The following FBXW2 variants were observed in gnomAD, a reference collection of about 807,000 sequenced individuals.
FBXW2 encodes F-box/WD repeat-containing protein 2.
FBXW2 carries 12 observed loss-of-function variants against 46.0 expected under a neutral mutation model. That is an observed-to-expected ratio of 0.26 (90% CI 0.17 to 0.42). FBXW2 has a LOEUF of 0.42. Among genes scored for constraint, FBXW2 ranks in the 10% least tolerant of loss-of-function variants. The pLI, the probability that FBXW2 is intolerant of heterozygous loss-of-function variation, is 1.00. For missense variants in FBXW2, 360 were observed against 537.0 expected, an observed-to-expected ratio of 0.67 and a Z score of 3.26; for synonymous variants, 203 against 209.6, an observed-to-expected ratio of 0.97 and a Z score of 0.27.
At chr9:120,777,312 T>TATA (rs1384658409) in intron 4 of FBXW2, among the ~76,000 whole-genome samples, 1 of 152,170 alleles carries the variant, frequency 6.6e-6, no homozygotes, top group African/African-American at 2.4e-5. Context: ...AAGAAGAGTA[T>TATA]ATAGGAGGAC....
At chr9:120,775,943 T>A (rs2044484250) in intron 5 of FBXW2, 150 bp downstream of exon 5, 1 of 879,358 alleles carries the variant, frequency 1.1e-6, no homozygotes, top group African/African-American at 1.7e-5. Flanking sequence ...TACCTTCTAC[T>A]TGCTGGTCAC....
chr9:120,785,233 C>T (rs148295444), intron 3 of FBXW2, among the ~76,000 whole-genome samples: 2 of 152,100 alleles, frequency 1.3e-5, no homozygotes, highest in Non-Finnish European at 2.9e-5. Flanking sequence ...GGTCTCAAAA[C>T]TCCTGGGCTC....
At chr9:120,787,687 T>A in intron 3 of FBXW2, 82 bp downstream of exon 3, 1 of 1,438,978 alleles carries the variant, frequency 6.9e-7, no homozygotes, top group Non-Finnish European at 9.4e-7. Flanking sequence ...ACACTTGTCA[T>A]TCTCAAAGCT....
intron 2 of FBXW2, among the ~76,000 whole-genome samples, chr9:120,789,102 A>C (rs1307804775): frequency 6.6e-6 from 1 of 152,132 alleles, no homozygotes; most frequent in Non-Finnish European, 1.5e-5. Flanking sequence ...ACCAGAAAAT[A>C]GACATTATCA....
intron 2 of FBXW2, among the ~76,000 whole-genome samples, chr9:120,790,823 A>T (rs75326127): frequency 0.042 from 6,394 of 150,586 alleles, 210 homozygotes; most frequent in Non-Finnish European, 0.067. Flanking sequence ...ACTTAAATTT[A>T]AAAAAAAAAT....
chr9:120,790,638 T>C (rs953431930), intron 2 of FBXW2, among the ~76,000 whole-genome samples: 2 of 152,190 alleles, frequency 1.3e-5, no homozygotes, highest in African/African-American at 4.8e-5. Flanking sequence ...TAGAAATGCT[T>C]GTATTTAAGT....
intron 2 of FBXW2, among the ~76,000 whole-genome samples, chr9:120,790,255 C>T (rs1008226271): frequency 7.9e-5 from 12 of 152,112 alleles, no homozygotes; most frequent in Non-Finnish European, 7.4e-5. Context: ...GAGGTGGGCT[C>T]GGCCGGATCA....
At chr9:120,765,968 C>T (rs1464300924) in intron 7 of FBXW2, among the ~76,000 whole-genome samples, 5 of 152,086 alleles carry the variant, frequency 3.3e-5, no homozygotes, top group East Asian at 1.9e-4. Flanking sequence ...CTGTTGTCTG[C>T]GCCCTTAGTG....
chr9:120,757,191 A>G lies in FBXW2; in HGVS notation c.*7368T>C, dbSNP rs2044142228. 1 of 152,246 alleles carries G rather than the reference A, an allele frequency of 6.6e-6. No homozygotes were observed. The allele number at this position is 152,246 out of a possible 1,614,324, so 9.4% of individuals were successfully genotyped here. A position where few individuals can be genotyped will look rare whatever the true frequency, so the allele number is the denominator to read the frequency against. On this transcript the variant is annotated 3_prime_UTR_variant, in exon 8 of 8. Transcript: ENST00000608872. ...AAAAATGTTGTCATGTGTTAAAGAA[A>G]TGTCAGTTAAAGCAACCTTGAGATA...
In FBXW2 at chr9:120,759,334, G is replaced by A. The variant is rs1264127245; in HGVS notation, c.*5225C>T. The A allele has an allele frequency of 6.6e-6, 1 of 152,078 alleles. No homozygotes were observed. The highest frequency in any genetic ancestry group is 2.4e-5 in the African/African-American group (1 of 41,398). The allele number at this position is 152,078 out of a possible 1,614,324, so 9.4% of individuals were successfully genotyped here. ...TTTATAGTTAACACAATCACTCACG[G>A]GTAAAAAGAGTGCTTCTATGATGCA... is the stretch of plus-strand genomic sequence containing the variant. On this transcript the variant is annotated 3_prime_UTR_variant, in exon 8 of 8. Coordinates refer to ENST00000608872, the MANE Select transcript of FBXW2 (RefSeq NM_012164.4).
At chr9:120,780,254 A>G (rs2044583137) in intron 3 of FBXW2, among the ~76,000 whole-genome samples, 1 of 151,796 alleles carries the variant, frequency 6.6e-6, no homozygotes, top group Admixed American at 6.6e-5. Flanking sequence ...GCTACTCAGG[A>G]GGCTGAGGCA....
chr9:120,792,862 T>C, intron 2 of FBXW2: 1 of 1,493,476 alleles, frequency 6.7e-7, no homozygotes, highest in Non-Finnish European at 8.9e-7. Context: ...TTTGCTTTAC[T>C]TCAAGCAGCA....
Position 120,764,787 on chromosome 9 carries a change from G to A in FBXW2, c.1137C>T (p.Ala379=), listed in dbSNP as rs781653310. The change falls in exon 8 of 8, where the codon GCC becomes GCT. Residue 379 remains alanine, a synonymous_variant. Coordinates refer to ENST00000608872, the MANE Select transcript of FBXW2 (RefSeq NM_012164.4). ...LALLGFGDIF[A]LLFDNRYLYI... ...ACAGGTAGCGGTTGTCAAACAGCAG[G>A]GCAAAGATATCTCCAAAGCCAAGCA... The A allele has an allele frequency of 6.2e-7, 1 of 1,612,268 alleles. No homozygotes were observed. The highest frequency in any genetic ancestry group is 2.2e-5 in the East Asian group (1 of 44,868).
rs1052117724 is a variant in FBXW2, at chr9:120,790,402, T to G, written c.-20-2124A>C. ...GGGAGGCTGAGGCAGGAGAATGGCG[T>G]GAACCCAGGAGGCGGAGCTTGCAGT... On this transcript the variant is annotated intron_variant, in intron 2 of 7. Transcript: ENST00000608872. Among the ~76,000 whole-genome samples the G allele has an allele frequency of 7.2e-5, 11 of 151,998 alleles. No individual in the cohort carries two copies. The Middle Eastern group carries it at 0.013, about 175-fold the overall frequency.
intron 3 of FBXW2, 150 bp downstream of exon 3, chr9:120,787,619 G>T (rs185550127): frequency 8.6e-6 from 6 of 699,464 alleles, no homozygotes; most frequent in East Asian, 2.8e-5. Flanking sequence ...AGAGGATAAG[G>T]GGGGGGAACC....
At chr9:120,787,580 A>G (rs920370451) in intron 3 of FBXW2, among the ~76,000 whole-genome samples, 189 bp downstream of exon 3, 1 of 152,202 alleles carries the variant, frequency 6.6e-6, no homozygotes, top group Non-Finnish European at 1.5e-5. Flanking sequence ...AAATTTTATA[A>G]AAATGATTGT....
intron 2 of FBXW2, chr9:120,792,919 A>T (rs1260542418): frequency 6.5e-7 from 1 of 1,529,022 alleles, no homozygotes; most frequent in Admixed American, 2.0e-5. Flanking sequence ...ATTATGGCGC[A>T]GTATAGCGCT....
At position 120,760,900 on chromosome 9, in the gene FBXW2, T is replaced by C. The variant is rs2044187610; in HGVS notation, c.*3659A>G. 1.3e-5 allele frequency: 2 copies of C among 152,260 alleles called. No homozygotes were observed. Among genetic ancestry groups the C allele is most frequent in the African/African-American group, 2.4e-5 (1 of 41,472 alleles). 9.4% of individuals were successfully genotyped at this position (152,260 alleles called of 1,614,324 possible). On this transcript the variant is annotated 3_prime_UTR_variant, in exon 8 of 8. Transcript: ENST00000608872. ...GCAGTAATCATTTTCCTATGAATAC[T>C]AGAATGATTATATAATCCTCATTCA...
intron 3 of FBXW2, among the ~76,000 whole-genome samples, chr9:120,785,767 C>T (rs567058136): frequency 2.0e-5 from 3 of 152,112 alleles, no homozygotes; most frequent in East Asian, 3.9e-4. Context: ...CGGTGGCTCA[C>T]GCCTGTAATC....
Sources: allele counts gnomAD v4.1 joint callset (sites outside exome capture counted in the v4.1 genomes callset), GRCh38; gene constraint gnomAD v4.1.1; transcripts MANE v1.5; gene names NCBI Gene and HGNC (gene_info 2026-07-23, HGNC 2026-07-21).